The following ANO10 variants were observed in gnomAD, a reference collection of about 807,000 sequenced individuals.
The protein encoded by ANO10 is anoctamin-10.
In ANO10, 77 loss-of-function variants were observed where a neutral mutation model predicts 74.7. The observed-to-expected ratio is 1.03, with a 90% confidence interval of 0.86 to 1.25. The LOEUF (loss-of-function observed/expected upper bound fraction) is 1.25. Ranked by LOEUF, ANO10 falls within the 50% of genes most tolerant of loss-of-function variation. ANO10 has a pLI of 0.00. For synonymous variants in ANO10, 279 were observed against 284.9 expected (o/e 0.98, Z 0.21); for missense variants, 721 against 778.1 (o/e 0.93, Z 0.87).
chr3:43,417,855 G>A (rs971045588), intron 12 of ANO10, among the ~76,000 whole-genome samples: 1 of 152,084 alleles, frequency 6.6e-6, no homozygotes, highest in Admixed American at 6.6e-5. Flanking sequence ...TCTCACCAAG[G>A]CTCCCTCCCT....
At chr3:43,494,000 T>C (rs1237917013) in intron 11 of ANO10, among the ~76,000 whole-genome samples, 1 of 152,190 alleles carries the variant, frequency 6.6e-6, no homozygotes, top group African/African-American at 2.4e-5. Flanking sequence ...CCTCCCAAAG[T>C]GCTGGCATTA....
chr3:43,604,295 C>A (rs181677325), intron 2 of ANO10, among the ~76,000 whole-genome samples: 1 of 152,184 alleles, frequency 6.6e-6, no homozygotes, highest in East Asian at 1.9e-4. Context: ...AAACACTTAT[C>A]TTTTCTTCTT....
intron 11 of ANO10, among the ~76,000 whole-genome samples, chr3:43,538,116 G>T (rs1293404652): frequency 6.6e-6 from 1 of 152,072 alleles, no homozygotes; most frequent in Non-Finnish European, 1.5e-5. Context: ...ATGATAGTTA[G>T]ACCTGGCCCT....
At chr3:43,683,352 T>C (rs2084227513) in intron 1 of ANO10, among the ~76,000 whole-genome samples, 1 of 151,948 alleles carries the variant, frequency 6.6e-6, no homozygotes, top group Non-Finnish European at 1.5e-5. Context: ...GAGAATAAAA[T>C]ACCTAGGTCC....
chr3:43,626,878 C>T (rs1351329110), upstream of ANO10, among the ~76,000 whole-genome samples: 13 of 152,260 alleles, frequency 8.5e-5, no homozygotes, highest in African/African-American at 3.1e-4. Flanking sequence ...ACTTCATTCT[C>T]TCTCTTTAAA....
intron 12 of ANO10, among the ~76,000 whole-genome samples, chr3:43,419,746 C>G (rs2092792713): frequency 6.6e-6 from 1 of 152,082 alleles, no homozygotes; most frequent in African/African-American, 2.4e-5. Flanking sequence ...GAACTCCTGA[C>G]CTCAAACAAT....
chr3:43,423,042 G>A (rs1157905984), intron 12 of ANO10, among the ~76,000 whole-genome samples: 5 of 151,966 alleles, frequency 3.3e-5, no homozygotes, highest in African/African-American at 1.2e-4. Flanking sequence ...ATTCTTTCTT[G>A]CGTGATTTGG....
chr3:43,589,376 C>A (rs1359814101), intron 4 of ANO10, among the ~76,000 whole-genome samples: 1 of 151,520 alleles, frequency 6.6e-6, no homozygotes, highest in East Asian at 1.9e-4. Context: ...CTCAATATAA[C>A]ATGCATTCCT....
intron 11 of ANO10, among the ~76,000 whole-genome samples, chr3:43,492,937 G>A (rs2076779784): frequency 6.6e-6 from 1 of 152,114 alleles, no homozygotes; most frequent in Non-Finnish European, 1.5e-5. Flanking sequence ...CCATTACTGG[G>A]CATATGCCCA....
intron 1 of ANO10, among the ~76,000 whole-genome samples, chr3:43,651,279 T>C (rs1165579432): frequency 1.3e-5 from 2 of 152,192 alleles, no homozygotes. Context: ...CTTTTAATAG[T>C]GTACAGAAGA....
intron 11 of ANO10, among the ~76,000 whole-genome samples, chr3:43,517,071 A>T (rs1406795622): frequency 6.6e-6 from 1 of 152,182 alleles, no homozygotes; most frequent in Non-Finnish European, 1.5e-5. Flanking sequence ...CTGTAATTAC[A>T]TCAAGCTTAA....
intron 11 of ANO10, among the ~76,000 whole-genome samples, chr3:43,475,273 C>T (rs897849880): frequency 2.0e-5 from 3 of 152,172 alleles, no homozygotes; most frequent in African/African-American, 4.8e-5. Context: ...GAACCTTACA[C>T]ACAACATTAG....
chr3:43,651,664 A>C (rs2083789169), intron 1 of ANO10, among the ~76,000 whole-genome samples: 1 of 152,190 alleles, frequency 6.6e-6, no homozygotes. Flanking sequence ...GTCTTAACTC[A>C]TTGGATTTTA....
chr3:43,451,259 C>T (rs2074854706), intron 11 of ANO10, among the ~76,000 whole-genome samples: 1 of 152,194 alleles, frequency 6.6e-6, no homozygotes, highest in South Asian at 2.1e-4. Context: ...CTAGAAGACA[C>T]ACCTGAGCTG....
chr3:43,589,581 T>C (rs2081632157), intron 4 of ANO10, among the ~76,000 whole-genome samples: 2 of 152,034 alleles, frequency 1.3e-5, no homozygotes, highest in African/African-American at 4.8e-5. Flanking sequence ...GTCACTGCAC[T>C]CCAGCCTGGG....
chr3:43,512,063 TGGA>T (rs2077528300), intron 11 of ANO10, among the ~76,000 whole-genome samples: 1 of 152,084 alleles, frequency 6.6e-6, no homozygotes, highest in African/African-American at 2.4e-5. Context: ...GGTGGGAGTG[TGGA>T]GAAGGGTGGG....
intron 11 of ANO10, among the ~76,000 whole-genome samples, chr3:43,508,408 C>T (rs182130059): frequency 3.9e-5 from 6 of 152,216 alleles, no homozygotes; most frequent in Admixed American, 2.0e-4. Flanking sequence ...GATCTAGAAC[C>T]AGAAATACCA....
chr3:43,620,603 C>T (rs906633952), intron 1 of ANO10, among the ~76,000 whole-genome samples: 1 of 152,124 alleles, frequency 6.6e-6, no homozygotes, highest in African/African-American at 2.4e-5. Context: ...CATGGTGGAA[C>T]CCCATCTCTA....
chr3:43,567,213 T>C (rs2080412143), intron 7 of ANO10, among the ~76,000 whole-genome samples: 1 of 152,198 alleles, frequency 6.6e-6, no homozygotes, highest in Non-Finnish European at 1.5e-5. Flanking sequence ...CTGATTGGTG[T>C]ACCTAAAAGT....
Sources: allele counts gnomAD v4.1 joint callset (sites outside exome capture counted in the v4.1 genomes callset), GRCh38; gene constraint gnomAD v4.1.1; transcripts MANE v1.5; gene names NCBI Gene and HGNC (gene_info 2026-07-23, HGNC 2026-07-21).